Variants in GSE1 observed in about 807,000 individuals in gnomAD.
GSE1 encodes Gse1 coiled-coil protein.
A neutral mutation model predicts 112.6 loss-of-function variants in GSE1; 32 were observed. That is an observed-to-expected ratio of 0.28 (90% CI 0.21 to 0.38). The LOEUF (loss-of-function observed/expected upper bound fraction) is 0.38, where lower values mean the gene tolerates loss of function less well. Among genes scored for constraint, GSE1 ranks in the 10% least tolerant of loss-of-function variants. The probability of loss-of-function intolerance (pLI) is 1.00; values close to 1 mark genes in which losing one functional copy is unlikely to be tolerated. For synonymous variants in GSE1, 1,115 were observed against 735.6 expected, an observed-to-expected ratio of 1.52 and a Z score of -8.35; for missense variants, 2,348 against 1,699.2, an observed-to-expected ratio of 1.38 and a Z score of -6.71.
At chr16:85,331,565 GTATA>G (rs1311910858) in intron 1 of GSE1, among the ~76,000 whole-genome samples, 1 of 105,746 alleles carries the variant, frequency 9.5e-6, no homozygotes, top group African/African-American at 4.0e-5. Flanking sequence ...GTGTATATGT[GTATA>G]TATGTGTACA....
At chr16:85,643,208 A>G (rs2050585201) in intron 2 of GSE1, among the ~76,000 whole-genome samples, 1 of 152,144 alleles carries the variant, frequency 6.6e-6, no homozygotes, top group Non-Finnish European at 1.5e-5. Context: ...GCCTCTTGTC[A>G]TCTCCAATCC....
At chr16:85,465,506 C>T (rs1048252967) in intron 2 of GSE1, among the ~76,000 whole-genome samples, 6 of 152,242 alleles carry the variant, frequency 3.9e-5, no homozygotes, top group African/African-American at 1.4e-4. Flanking sequence ...GTAAGTGCAT[C>T]AGTCCAGTTA....
chr16:85,556,548 A>G (rs1172258137), intron 1 of GSE1, among the ~76,000 whole-genome samples: 2 of 151,296 alleles, frequency 1.3e-5, no homozygotes, highest in African/African-American at 4.8e-5. Flanking sequence ...GTGCGCGGCT[A>G]CGTGCGGCGG....
At chr16:85,612,899 G>C (rs1280907447), upstream of GSE1, among the ~76,000 whole-genome samples, 3 of 151,110 alleles carry the variant, frequency 2.0e-5, no homozygotes, top group African/African-American at 7.4e-5. Flanking sequence ...CGCTCACGTG[G>C]CGAGGGTGCT....
rs577364840 is a variant in GSE1, at chr16:85,233,383, A to C, written c.2283+61576A>C. On this transcript the variant is annotated intron_variant, in intron 1 of 2. Transcript: ENST00000637419. ...GGTACCTGAGTTGGAGCCAGGCTGG[A>C]GCCCTCAGGTGGAGGCTGGGCGGGG... is the stretch of plus-strand genomic sequence containing the variant. 2.6e-5 allele frequency among the ~76,000 whole-genome samples: 4 copies of C among 152,344 alleles called. No individual in the cohort carries two copies. In the South Asian group the frequency reaches 8.3e-4, roughly 32 times the overall value.
chr16:85,171,978 G>A (rs888262439), intron 1 of GSE1, among the ~76,000 whole-genome samples: 1 of 152,202 alleles, frequency 6.6e-6, no homozygotes, highest in Non-Finnish European at 1.5e-5. Flanking sequence ...GTGCTTGGTG[G>A]GTACGTTGGC....
At chr16:85,209,244 A>G (rs2075180912) in intron 1 of GSE1, among the ~76,000 whole-genome samples, 1 of 152,168 alleles carries the variant, frequency 6.6e-6, no homozygotes, top group South Asian at 2.1e-4. Flanking sequence ...AGGTAGGCAC[A>G]ATGCTCCCAT....
chr16:85,661,825 C>A lies in GSE1; in HGVS notation c.2260+60C>A, dbSNP rs2052459060. ...AGAGCCGCACAGTGGGGATGGGGAG[C>A]CTGCATGCCAGCCACCTGCCCCTCT... On this transcript the variant is annotated intron_variant, in intron 9 of 15. Transcript: ENST00000253458. 9.9e-6 allele frequency: 14 copies of A among 1,413,148 alleles called. 1 individual carries two copies. The highest frequency in any genetic ancestry group is 5.9e-5 in the South Asian group (4 of 67,532). 87.5% of individuals were successfully genotyped at this position (1,413,148 alleles called of 1,614,324 possible).
At chr16:85,656,314 G>C (rs1354530629) in intron 6 of GSE1, 29 bp from the exon 7 acceptor site, 4 of 1,606,946 alleles carry the variant, frequency 2.5e-6, no homozygotes, top group Non-Finnish European at 3.4e-6. Flanking sequence ...TGGTGCAGCA[G>C]AGCCCCCAAC....
At chr16:85,630,499 T>C (rs1269546852) in intron 1 of GSE1, among the ~76,000 whole-genome samples, 3 of 152,158 alleles carry the variant, frequency 2.0e-5, no homozygotes, top group Non-Finnish European at 2.9e-5. Context: ...TTCAGGGTAA[T>C]TTACAGAGAC....
intron 2 of GSE1, among the ~76,000 whole-genome samples, chr16:85,390,826 T>G (rs12929619): frequency 0.98 from 148,698 of 151,952 alleles, 72,846 homozygotes; most frequent in East Asian, 1. Context: ...GCTGTCTCCT[T>G]AAGCAAAGGT....
intron 1 of GSE1, among the ~76,000 whole-genome samples, chr16:85,313,577 T>G (rs540035695): frequency 9.6e-4 from 146 of 152,178 alleles, no homozygotes; most frequent in Non-Finnish European, 1.5e-3. Flanking sequence ...TGTGAGAGGT[T>G]TTCCTGCCCT....
intron 1 of GSE1, among the ~76,000 whole-genome samples, chr16:85,601,599 A>G (rs978736053): frequency 3.3e-4 from 50 of 152,168 alleles, no homozygotes; most frequent in African/African-American, 1.2e-3. Flanking sequence ...GAAGGGCCAC[A>G]GGCGGCTGAC....
intron 1 of GSE1, among the ~76,000 whole-genome samples, chr16:85,199,917 C>G (rs2074997570): frequency 6.6e-6 from 1 of 152,058 alleles, no homozygotes; most frequent in Non-Finnish European, 1.5e-5. Flanking sequence ...GCGTGGATGG[C>G]CACTGTGGGA....
intron 1 of GSE1, among the ~76,000 whole-genome samples, chr16:85,332,062 T>A (rs1178180154): frequency 6.6e-6 from 1 of 151,262 alleles, no homozygotes; most frequent in Non-Finnish European, 1.5e-5. Context: ...ATCTGGGGGC[T>A]CCTGTCCTAG....
intron 1 of GSE1, among the ~76,000 whole-genome samples, chr16:85,180,713 T>C (rs2074565964): frequency 6.6e-6 from 1 of 152,168 alleles, no homozygotes. Flanking sequence ...GCTGCCTGGC[T>C]CCAGCGTCTG....
rs538737357 is a variant in GSE1 at position 85,188,269 on chromosome 16, C to T, written c.2283+16462C>T. Among the ~76,000 whole-genome samples the T allele has an allele frequency of 8.9e-4, 135 of 151,940 alleles. 1 individual carries two copies. The highest frequency in any genetic ancestry group is 3.1e-3 in the African/African-American group (127 of 41,434). Reference sequence around the variant, plus strand: ...AGTCAGCGGGCACCTGCTGCCTGACCGTCTGTCTGCGGGCCCTGTTCCCTC... The same window carrying T: ...AGTCAGCGGGCACCTGCTGCCTGACTGTCTGTCTGCGGGCCCTGTTCCCTC... On this transcript the variant is annotated intron_variant, in intron 1 of 2. Transcript: ENST00000637419.
At chr16:85,235,633 C>A (rs1904550625) in intron 1 of GSE1, among the ~76,000 whole-genome samples, 1 of 151,442 alleles carries the variant, frequency 6.6e-6, no homozygotes, top group South Asian at 2.1e-4. Flanking sequence ...GGGGCTCATA[C>A]TCCTCGTCCC....
intron 2 of GSE1, among the ~76,000 whole-genome samples, chr16:85,542,599 T>C (rs1221231610): frequency 6.6e-6 from 1 of 152,224 alleles, no homozygotes; most frequent in Non-Finnish European, 1.5e-5. Flanking sequence ...AAGGCTGTCT[T>C]TGGGACACAT....
Sources: allele counts gnomAD v4.1 joint callset (sites outside exome capture counted in the v4.1 genomes callset), GRCh38; gene constraint gnomAD v4.1.1; transcripts MANE v1.5; gene names NCBI Gene and HGNC (gene_info 2026-07-23, HGNC 2026-07-21).